Variants in SEMA3A observed in about 807,000 individuals in gnomAD.
SEMA3A encodes semaphorin 3A, also known as semaphorin-3A.
In SEMA3A, 29 loss-of-function variants were observed where a neutral mutation model predicts 97.9. That is an observed-to-expected ratio of 0.30 (90% CI 0.22 to 0.40). The LOEUF (loss-of-function observed/expected upper bound fraction) is 0.40. Among genes scored for constraint, SEMA3A ranks in the 10% least tolerant of loss-of-function variants. The pLI is 1.00. For missense variants in SEMA3A, 763 were observed against 951.3 expected (o/e 0.80, Z 2.60); for synonymous variants, 321 against 323.7 (o/e 0.99, Z 0.09).
chr7:84,297,026 G>A (rs890792665), intron 3 of SEMA3A, among the ~76,000 whole-genome samples: 2 of 152,144 alleles, frequency 1.3e-5, no homozygotes, highest in African/African-American at 4.8e-5. Context: ...TGCCCAGGCT[G>A]GAGTACAATG....
chr7:84,367,047 A>C (rs527697288), intron 2 of SEMA3A, among the ~76,000 whole-genome samples: 62 of 151,408 alleles, frequency 4.1e-4, no homozygotes, highest in Non-Finnish European at 7.9e-4. Flanking sequence ...CAACATGTTC[A>C]GGGGCTTGAC....
intron 1 of SEMA3A, among the ~76,000 whole-genome samples, chr7:84,396,530 T>C (rs971331650): frequency 3.9e-5 from 6 of 151,922 alleles, no homozygotes; most frequent in Admixed American, 1.3e-4. Flanking sequence ...ATAAGTTCAA[T>C]ATATTGAAAG....
intron 2 of SEMA3A, among the ~76,000 whole-genome samples, chr7:84,329,864 G>A (rs562814286): frequency 5.0e-4 from 76 of 152,026 alleles, no homozygotes; most frequent in African/African-American, 1.7e-3. Flanking sequence ...GGGTCTCTCT[G>A]GCCTTGAAAT....
chr7:84,001,373 T>G (rs1428278255), intron 12 of SEMA3A, among the ~76,000 whole-genome samples: 1 of 145,918 alleles, frequency 6.9e-6, no homozygotes, highest in African/African-American at 2.5e-5. Flanking sequence ...CCCTGGGCCA[T>G]CTGTGATTCA....
chr7:84,357,307 C>A (rs868247839), intron 2 of SEMA3A, among the ~76,000 whole-genome samples: 1 of 148,178 alleles, frequency 6.7e-6, no homozygotes, highest in Non-Finnish European at 1.5e-5. Context: ...CACAACAGGC[C>A]CTGGCATGTG....
intron 3 of SEMA3A, among the ~76,000 whole-genome samples, chr7:84,118,106 A>C (rs1284420080): frequency 6.6e-6 from 1 of 152,196 alleles, no homozygotes; most frequent in East Asian, 1.9e-4. Flanking sequence ...ATAGAGTTTA[A>C]GCCTATACTT....
rs555221434 is a variant in SEMA3A, at chr7:84,287,888, A to G, written c.-83+19319T>C. On this transcript the variant is annotated intron_variant, in intron 3 of 3. Coordinates refer to the SEMA3A transcript ENST00000424555. ...ATTTGACTAGTTAATTTTTAAACTC[A>G]TAAAAATATACAAAAATAATAATAA... 8.5e-5 allele frequency among the ~76,000 whole-genome samples: 13 copies of G among 152,298 alleles called. No homozygotes were observed. In the South Asian group the frequency reaches 2.1e-3, roughly 24 times the overall value.
At chr7:84,380,757 G>A (rs904699953) in intron 1 of SEMA3A, among the ~76,000 whole-genome samples, 3 of 152,138 alleles carry the variant, frequency 2.0e-5, no homozygotes, top group African/African-American at 7.2e-5. Flanking sequence ...TGGAGAATCC[G>A]TTTCACTTCT....
At chr7:84,120,679 G>A (rs1348013638) in intron 3 of SEMA3A, among the ~76,000 whole-genome samples, 1 of 152,102 alleles carries the variant, frequency 6.6e-6, no homozygotes. Context: ...TATTTAAAAT[G>A]GATAAACTGA....
intron 1 of SEMA3A, among the ~76,000 whole-genome samples, chr7:84,484,818 C>T (rs1412723555): frequency 6.6e-6 from 1 of 152,126 alleles, no homozygotes; most frequent in African/African-American, 2.4e-5. Flanking sequence ...AGTATGAATG[C>T]TCATCCTTAA....
chr7:84,024,750 A>T (rs927023227), intron 6 of SEMA3A, among the ~76,000 whole-genome samples: 7 of 152,210 alleles, frequency 4.6e-5, no homozygotes, highest in Non-Finnish European at 8.8e-5. Flanking sequence ...CATTGTTTTT[A>T]AAACTTTGTG....
At chr7:83,984,549 G>T (rs1789549958) in intron 13 of SEMA3A, among the ~76,000 whole-genome samples, 2 of 142,198 alleles carry the variant, frequency 1.4e-5, no homozygotes, top group Admixed American at 7.1e-5. Context: ...TTACAATTTT[G>T]TATATAAGTT....
rs573211572 is a variant in SEMA3A at position 84,058,210 on chromosome 7, T to G, written c.547+2255A>C. Reference sequence around the variant, plus strand: ...GAAGAAGCCTAGAACCACCTTAAAATTTCTATCTTATTTGTACCAATGAGG... The same window carrying G: ...GAAGAAGCCTAGAACCACCTTAAAAGTTCTATCTTATTTGTACCAATGAGG... On this transcript the variant is annotated intron_variant, in intron 5 of 16. Coordinates refer to ENST00000265362, the MANE Select transcript of SEMA3A (RefSeq NM_006080.3). Among the ~76,000 whole-genome samples the G allele has an allele frequency of 1.5e-4, 23 of 152,292 alleles. No individual in the cohort carries two copies. In the East Asian group the frequency reaches 3.7e-3, roughly 24 times the overall value.
At chr7:84,203,502 GTATATATA>G (rs1178194583) in intron 3 of SEMA3A, among the ~76,000 whole-genome samples, 4 of 57,022 alleles carry the variant, frequency 7.0e-5, no homozygotes, top group African/African-American at 1.4e-4. Context: ...TTGTGTGTGT[GTATATATA>G]TATATATATA....
At chr7:83,998,818 T>G (rs2116377317) in intron 12 of SEMA3A, among the ~76,000 whole-genome samples, 1 of 152,236 alleles carries the variant, frequency 6.6e-6, no homozygotes, top group South Asian at 2.1e-4. Flanking sequence ...TTGTTAAAAA[T>G]GAAGACACAA....
At chr7:84,486,487 G>C (rs987116239) in intron 1 of SEMA3A, among the ~76,000 whole-genome samples, 1 of 152,126 alleles carries the variant, frequency 6.6e-6, no homozygotes, top group Admixed American at 6.5e-5. Flanking sequence ...AGCATATTAC[G>C]TGAAACATCA....
intron 5 of SEMA3A, among the ~76,000 whole-genome samples, chr7:84,047,254 A>C (rs1792391446): frequency 6.6e-6 from 1 of 152,042 alleles, no homozygotes; most frequent in Non-Finnish European, 1.5e-5. Context: ...CAGACGGTAA[A>C]GAATAGAAGG....
chr7:84,156,173 C>T (rs1045807262), intron 1 of SEMA3A, among the ~76,000 whole-genome samples: 3 of 151,876 alleles, frequency 2.0e-5, no homozygotes, highest in Admixed American at 6.6e-5. Context: ...CTGGTGTTTA[C>T]GTGACACATC....
At position 84,005,355 on chromosome 7, in the gene SEMA3A, A is replaced by C. The variant is rs201834330; in HGVS notation, c.1344T>G (p.Val448=). The C allele has an allele frequency of 4.3e-6, 7 of 1,612,522 alleles. No individual in the cohort carries two copies. The East Asian group carries it at 1.6e-4, about 36-fold the overall frequency. The part of the protein sequence containing the change: ...RVDAEDGQYD[V]MFIGTDVGTV... ...AAAATTTACCTGTTCCGATAAACAT[A>C]ACATCATACTGTCCATCTTCTGCAT... The change falls in exon 11 of 17, where the codon GTT becomes GTG. Residue 448 remains valine, a synonymous_variant. Transcript: ENST00000265362.
Sources: allele counts gnomAD v4.1 joint callset (sites outside exome capture counted in the v4.1 genomes callset), GRCh38; gene constraint gnomAD v4.1.1; transcripts MANE v1.5; gene names NCBI Gene and HGNC (gene_info 2026-07-23, HGNC 2026-07-21).